Variants in JADE3 observed in about 807,000 individuals in gnomAD.
The protein encoded by JADE3 is protein Jade-3.
Under a neutral mutation model 50.1 loss-of-function variants are expected in JADE3, and 2 were observed. The ratio of observed to expected loss-of-function variants is 0.04; its 90% confidence interval spans 0.02 to 0.13. The LOEUF is 0.13. JADE3 is among the 10% of genes least tolerant of loss of function. The pLI is 1.00. For missense variants in JADE3, 475 were observed against 634.4 expected (o/e 0.75, Z 2.70); for synonymous variants, 218 against 232.9 (o/e 0.94, Z 0.58).
At chrX:46,935,752 A>G (rs1272018361) in intron 1 of JADE3, among the ~76,000 whole-genome samples, 1 of 108,656 alleles carries the variant, frequency 9.2e-6, no homozygotes, top group Non-Finnish European at 1.9e-5. Context: ...GTACAGGCTG[A>G]TACTTCCAGT....
intron 8 of JADE3, among the ~76,000 whole-genome samples, chrX:47,047,793 C>A (rs1317108944): frequency 9.0e-6 from 1 of 111,728 alleles, no homozygotes; most frequent in Non-Finnish European, 1.9e-5. Context: ...TTTAAGAGAT[C>A]ACCAAGACCA....
intron 4 of JADE3, among the ~76,000 whole-genome samples, chrX:47,019,638 A>C (rs1286557308): frequency 8.9e-6 from 1 of 112,368 alleles, no homozygotes; most frequent in Non-Finnish European, 1.9e-5. Context: ...GTGTTCACAA[A>C]TGATTCTAAT....
At chrX:47,021,167 G>C (rs1928785314) in intron 4 of JADE3, among the ~76,000 whole-genome samples, 2 of 110,419 alleles carry the variant, frequency 1.8e-5, no homozygotes, top group African/African-American at 3.3e-5. Flanking sequence ...CCTCACCCAA[G>C]GTATCAGTTT....
At chrX:46,917,765 T>C (rs887929492) in intron 1 of JADE3, among the ~76,000 whole-genome samples, 61 of 90,286 alleles carry the variant, frequency 6.8e-4, no homozygotes, top group Non-Finnish European at 1.2e-3. Context: ...AGGTGTTTCT[T>C]TCTCTCTCTC....
chrX:46,972,939 T>A (rs1235996717), intron 1 of JADE3, among the ~76,000 whole-genome samples: 1 of 112,288 alleles, frequency 8.9e-6, no homozygotes, highest in African/African-American at 3.2e-5. Flanking sequence ...GTTCATTTGT[T>A]TATGTACTGT....
intron 1 of JADE3, among the ~76,000 whole-genome samples, chrX:46,977,033 A>G (rs782621210): frequency 1.8e-5 from 2 of 111,979 alleles, no homozygotes; most frequent in Admixed American, 9.5e-5. Flanking sequence ...TTTTTTTGAC[A>G]TACAAAAAGC....
Position 46,985,762 on chromosome X carries a change from A to G in JADE3, c.96A>G (p.Lys32=). 2 of 1,201,208 alleles carry G rather than the reference A, an allele frequency of 1.7e-6. No homozygotes were observed. Among genetic ancestry groups the G allele is most frequent in the East Asian group, 3.0e-5 (1 of 33,805 alleles). Residue 32 remains lysine, a synonymous_variant, in exon 3 of 11, where the codon AAA becomes AAG. Coordinates refer to ENST00000614628, the MANE Select transcript of JADE3 (RefSeq NM_014735.5). The part of the protein sequence containing the change: ...TSGSMYRIKS[K]IPNEHKKPAE... ...GCTCAATGTATAGGATCAAGTCAAAAATTCCAAATGAACACAAGAAACCTG... is the reference window on the plus strand; with the variant it reads ...GCTCAATGTATAGGATCAAGTCAAAGATTCCAAATGAACACAAGAAACCTG...
At chrX:46,917,262 G>A (rs1556336548) in intron 1 of JADE3, among the ~76,000 whole-genome samples, 3 of 110,424 alleles carry the variant, frequency 2.7e-5, no homozygotes, top group Non-Finnish European at 5.7e-5. Flanking sequence ...GGCTCGGTGT[G>A]TTTCTATTTT....
chrX:47,046,543 A>G (rs184815525), intron 8 of JADE3, among the ~76,000 whole-genome samples: 104 of 112,171 alleles, frequency 9.3e-4, no homozygotes, highest in African/African-American at 3.1e-3. Flanking sequence ...AGCCAGTATT[A>G]CCCTGATACC....
chrX:46,947,437 T>C (rs1227324339), intron 1 of JADE3, among the ~76,000 whole-genome samples: 1 of 111,953 alleles, frequency 8.9e-6, no homozygotes, highest in East Asian at 2.8e-4. Context: ...GCTGTGTAAC[T>C]TTCGTTTTTG....
intron 4 of JADE3, among the ~76,000 whole-genome samples, chrX:47,015,319 C>T (rs1418062691): frequency 4.5e-5 from 5 of 111,391 alleles, no homozygotes; most frequent in African/African-American, 1.6e-4. Context: ...TGGTGGCTCA[C>T]GCCTGTAATC....
intron 9 of JADE3, among the ~76,000 whole-genome samples, chrX:47,055,001 C>T (rs1238392224): frequency 9.0e-6 from 1 of 111,267 alleles, no homozygotes; most frequent in Admixed American, 9.6e-5. Flanking sequence ...GTTTCACAAA[C>T]TTGGCACTGT....
At chrX:47,025,970 GAT>G (rs142703271) in intron 5 of JADE3, among the ~76,000 whole-genome samples, 2,203 of 111,630 alleles carry the variant, frequency 0.02, 39 homozygotes, top group African/African-American at 0.056. Context: ...GCATGGGAAT[GAT>G]AGTTACTCTG....
At chrX:46,978,728 C>G (rs782512259) in intron 1 of JADE3, among the ~76,000 whole-genome samples, 26 of 111,209 alleles carry the variant, frequency 2.3e-4, no homozygotes, top group African/African-American at 7.5e-4. Context: ...ATCCCTCCAG[C>G]CTGTCCTCTG....
intron 4 of JADE3, among the ~76,000 whole-genome samples, chrX:47,005,603 G>A (rs2147140990): frequency 8.9e-6 from 1 of 111,973 alleles, no homozygotes; most frequent in South Asian, 3.7e-4. Context: ...AAATACTTTG[G>A]GCCACCCCAA....
intron 1 of JADE3, among the ~76,000 whole-genome samples, chrX:46,922,993 G>A (rs1926256560): frequency 9.0e-6 from 1 of 111,074 alleles, no homozygotes. Flanking sequence ...TTGGTCAGGA[G>A]TTGGCCTGTG....
At chrX:46,917,042 A>G (rs1434227957) in intron 1 of JADE3, among the ~76,000 whole-genome samples, 2 of 111,292 alleles carry the variant, frequency 1.8e-5, no homozygotes, top group Non-Finnish European at 3.8e-5. Context: ...TCAAATCCTA[A>G]CTCTACCACT....
intron 6 of JADE3, among the ~76,000 whole-genome samples, chrX:47,032,097 C>T (rs1370222030): frequency 9.0e-6 from 1 of 110,957 alleles, no homozygotes; most frequent in Non-Finnish European, 1.9e-5. Context: ...TGCTTAGACA[C>T]ATGGATGTGA....
intron 6 of JADE3, among the ~76,000 whole-genome samples, chrX:47,033,284 AATAC>A (rs1247361982): frequency 8.0e-5 from 9 of 112,003 alleles, no homozygotes; most frequent in African/African-American, 2.9e-4. Context: ...GACTAATTAT[AATAC>A]ATAGTCATTG....
Sources: gnomAD v4.1 joint callset for allele counts (sites outside exome capture counted in the v4.1 genomes callset) on GRCh38, gnomAD v4.1.1 for gene constraint, MANE v1.5 for transcripts, NCBI Gene and HGNC (gene_info 2026-07-23, HGNC 2026-07-21) for gene names.